RALGAPA1: variants seen among roughly 807,000 people sequenced by gnomAD.
RALGAPA1 encodes Ral GTPase activating protein catalytic subunit alpha 1.
A neutral mutation model predicts 269.6 loss-of-function variants in RALGAPA1; 52 were observed. The observed-to-expected ratio is 0.19, with a 90% CI of 0.15 to 0.24. The LOEUF is 0.24. Ranked by LOEUF, RALGAPA1 falls within the 10% of genes least tolerant of loss-of-function variation. RALGAPA1 has a pLI of 1.00. For missense variants in RALGAPA1, 1,917 were observed against 3,013.9 expected, an observed-to-expected ratio of 0.64 and a Z score of 8.52; for synonymous variants, 817 against 1,008.3, an observed-to-expected ratio of 0.81 and a Z score of 3.60.
At position 35,774,879 on chromosome 14, in the gene RALGAPA1, T is replaced by A; in HGVS notation, c.267+127A>T. The A allele has an allele frequency of 9.0e-6, 6 of 664,910 alleles. No homozygotes were observed. The South Asian group carries it at 1.1e-4, about 12-fold the overall frequency. 41.2% of individuals were successfully genotyped at this position (664,910 alleles called of 1,614,324 possible). ...GTCAGGCATATTTAAAAAATTTAGA[T>A]TTAGTTCTTAGAAAGGCTGGCAAAT... On this transcript the variant is annotated intron_variant, in intron 3 of 41. Coordinates refer to ENST00000680220, the MANE Select transcript of RALGAPA1 (RefSeq NM_001346249.2).
At chr14:35,723,977 A>G (rs1017861490) in intron 14 of RALGAPA1, 4 of 152,150 alleles carry the variant, frequency 2.6e-5, no homozygotes, top group Non-Finnish European at 5.9e-5. Context: ...AGGAATTCAC[A>G]TAAATTTATA....
chr14:35,740,171 C>G (rs2071413090), intron 11 of RALGAPA1, among the ~76,000 whole-genome samples: 1 of 152,118 alleles, frequency 6.6e-6, no homozygotes, highest in South Asian at 2.1e-4. Context: ...CTCTTTCATG[C>G]TCTAGGATCA....
At chr14:35,716,113 G>C in intron 16 of RALGAPA1, 2 of 983,920 alleles carry the variant, frequency 2.0e-6, no homozygotes, top group Non-Finnish European at 2.4e-6. Flanking sequence ...TTAAAAGATG[G>C]TGAGGCATGG....
chr14:35,645,106 T>C (rs1216515904), intron 31 of RALGAPA1, among the ~76,000 whole-genome samples: 3 of 152,164 alleles, frequency 2.0e-5, no homozygotes, highest in Admixed American at 6.5e-5. Flanking sequence ...ATTCAGTATA[T>C]GTGAGGGTCC....
At chr14:35,637,163 C>CCAA (rs1449038062) in intron 31 of RALGAPA1, among the ~76,000 whole-genome samples, 1 of 152,146 alleles carries the variant, frequency 6.6e-6, no homozygotes, top group Non-Finnish European at 1.5e-5. Context: ...TGCCCACACA[C>CCAA]CAATGAACAT....
chr14:35,570,535 G>C (rs977501315), intron 39 of RALGAPA1, 82 bp downstream of exon 39: 18 of 1,108,148 alleles, frequency 1.6e-5, no homozygotes, highest in African/African-American at 6.6e-5. Flanking sequence ...AAAATAAAAG[G>C]CTTTAACAAT....
At chr14:35,783,439 G>A (rs1487774985) in intron 1 of RALGAPA1, among the ~76,000 whole-genome samples, 1 of 151,710 alleles carries the variant, frequency 6.6e-6, no homozygotes, top group African/African-American at 2.4e-5. Context: ...AACTCAAAAT[G>A]GATCAAAAAC....
At chr14:35,748,862 A>G (rs2072404565) in intron 9 of RALGAPA1, 38 bp from the exon 10 acceptor site, 3 of 1,541,838 alleles carry the variant, frequency 1.9e-6, no homozygotes, top group Non-Finnish European at 2.6e-6. Context: ...GAGAAACAAT[A>G]TCATAATCAT....
intron 20 of RALGAPA1, 23 bp downstream of exon 20, chr14:35,684,906 A>T (rs1239625761): frequency 6.2e-7 from 1 of 1,603,990 alleles, no homozygotes; most frequent in Non-Finnish European, 8.5e-7. Context: ...AAAACATAGT[A>T]TTCAAATAGA....
At chr14:35,600,996 C>T (rs1188576344) in intron 36 of RALGAPA1, among the ~76,000 whole-genome samples, 1 of 152,184 alleles carries the variant, frequency 6.6e-6, no homozygotes, top group Admixed American at 6.5e-5. Context: ...GGTGAAAGTG[C>T]TGACTTGTTT....
chr14:35,808,897 G>C lies in RALGAPA1; in HGVS notation c.-62C>G, dbSNP rs777397392. 1 of 1,565,938 alleles carries C rather than the reference G, an allele frequency of 6.4e-7. No individual in the cohort carries two copies. The highest frequency in any genetic ancestry group is 1.4e-5 in the African/African-American group (1 of 73,886). ...GGCTCCCAGCCGGGTCCCGGCGGCA[G>C]AAAGTGGAGGGAGTGGACGGGGAGG... On this transcript the variant is annotated 5_prime_UTR_variant, in exon 1 of 42. Coordinates refer to ENST00000680220, the MANE Select transcript of RALGAPA1 (RefSeq NM_001346249.2).
intron 16 of RALGAPA1, among the ~76,000 whole-genome samples, chr14:35,715,457 C>T (rs148431873): frequency 6.6e-6 from 1 of 151,808 alleles, no homozygotes; most frequent in Non-Finnish European, 1.5e-5. Flanking sequence ...ATTTTATAGT[C>T]TGGTTATTTA....
intron 30 of RALGAPA1, among the ~76,000 whole-genome samples, chr14:35,652,695 G>A (rs988451719): frequency 7.2e-5 from 11 of 152,094 alleles, no homozygotes; most frequent in East Asian, 5.8e-4. Context: ...ATGAGCCACC[G>A]TGCCCAGCCA....
At chr14:35,728,275 C>G (rs2070152430) in intron 13 of RALGAPA1, 87 bp downstream of exon 13, 1 of 1,226,722 alleles carries the variant, frequency 8.2e-7, no homozygotes, top group African/African-American at 1.5e-5. Flanking sequence ...TAAACAAACC[C>G]TCTTCACAGA....
At chr14:35,753,643 T>C (rs2072926906) in intron 7 of RALGAPA1, among the ~76,000 whole-genome samples, 1 of 152,086 alleles carries the variant, frequency 6.6e-6, no homozygotes. Context: ...TAGGCAAATA[T>C]ATAGAGACAG....
In RALGAPA1 at chr14:35,679,948, T is replaced by A. The variant is rs146915531; in HGVS notation, c.4472-1846A>T. ...AAGTTTCCTTTCCTTTATTTGAGAT[T>A]TGGAGTAAATTCATATGGCACAAAA... On this transcript the variant is annotated intron_variant, in intron 21 of 41. Transcript: ENST00000680220. 7.5e-3 allele frequency among the ~76,000 whole-genome samples: 1,147 copies of A among 152,266 alleles called. 17 individuals carry two copies. Among genetic ancestry groups the A allele is most frequent in the African/African-American group, 0.026 (1,089 of 41,558 alleles).
At chr14:35,680,608 ATTTT>A (rs1328430571) in intron 21 of RALGAPA1, among the ~76,000 whole-genome samples, 1 of 135,150 alleles carries the variant, frequency 7.4e-6, no homozygotes, top group Non-Finnish European at 1.5e-5. Context: ...TTATTTATTT[ATTTT>A]TTGCTTTTTT....
At chr14:35,715,208 T>A (rs1003835791) in intron 16 of RALGAPA1, among the ~76,000 whole-genome samples, 1 of 152,164 alleles carries the variant, frequency 6.6e-6, no homozygotes, top group East Asian at 1.9e-4. Flanking sequence ...GACCCTCTCA[T>A]CCTGTTCTAC....
intron 26 of RALGAPA1, among the ~76,000 whole-genome samples, chr14:35,669,262 A>AT (rs200326226): frequency 0.031 from 4,641 of 150,886 alleles, 87 homozygotes; most frequent in Middle Eastern, 0.054. Flanking sequence ...ATCTTTCTTT[A>AT]TTTTTTTTTG....
Sources: allele counts gnomAD v4.1 joint callset (sites outside exome capture counted in the v4.1 genomes callset), GRCh38; gene constraint gnomAD v4.1.1; transcripts MANE v1.5; gene names NCBI Gene and HGNC (gene_info 2026-07-23, HGNC 2026-07-21).